EDEM3: variants seen among roughly 807,000 people sequenced by gnomAD.
EDEM3 encodes ER degradation enhancing alpha-mannosidase like protein 3.
Under a neutral mutation model 110.2 loss-of-function variants are expected in EDEM3, and 60 were observed. The observed-to-expected ratio is 0.54, with a 90% CI of 0.44 to 0.67. The LOEUF is 0.67. Among genes scored for constraint, EDEM3 ranks in the 30% least tolerant of loss-of-function variants. The pLI is 0.00. For missense variants in EDEM3, 996 were observed against 1,121.0 expected (o/e 0.89, Z 1.59); for synonymous variants, 352 against 382.9 (o/e 0.92, Z 0.94).
chr1:184,750,401 C>T (rs1291407959), intron 1 of EDEM3, among the ~76,000 whole-genome samples: 1 of 152,202 alleles, frequency 6.6e-6, no homozygotes, highest in Non-Finnish European at 1.5e-5. Context: ...CAATTAAGCA[C>T]TCTCAAGTTC....
chr1:184,708,641 T>C (rs1273554910), intron 16 of EDEM3, among the ~76,000 whole-genome samples: 1 of 152,246 alleles, frequency 6.6e-6, no homozygotes, highest in Non-Finnish European at 1.5e-5. Context: ...ACTTTGCTTA[T>C]TCTCCCCACT....
chr1:184,700,432 C>T (rs939508484), intron 19 of EDEM3, among the ~76,000 whole-genome samples: 3 of 151,940 alleles, frequency 2.0e-5, no homozygotes, highest in Admixed American at 2.0e-4. Context: ...CTTATATAAT[C>T]TGTTAACTAG....
chr1:184,734,888 C>T (rs1326173363), intron 4 of EDEM3, among the ~76,000 whole-genome samples: 1 of 152,042 alleles, frequency 6.6e-6, no homozygotes, highest in Non-Finnish European at 1.5e-5. Context: ...TTGAAGCTAC[C>T]ATCATCAGAC....
intron 1 of EDEM3, among the ~76,000 whole-genome samples, chr1:184,752,820 G>T (rs1313428468): frequency 6.6e-6 from 1 of 152,160 alleles, no homozygotes; most frequent in East Asian, 1.9e-4. Flanking sequence ...CCAATTACTA[G>T]CTTTGTGGCT....
At chr1:184,736,333 GTTTT>G (rs1176282323) in intron 4 of EDEM3, among the ~76,000 whole-genome samples, 1 of 151,992 alleles carries the variant, frequency 6.6e-6, no homozygotes, top group Non-Finnish European at 1.5e-5. Context: ...TACCCCAAAG[GTTTT>G]TTGTTTTGTT....
rs185529571 is a variant in EDEM3 at position 184,713,245 on chromosome 1, T to C, written c.1371-647A>G. Among the ~76,000 whole-genome samples the C allele has an allele frequency of 2.8e-3, 432 of 151,966 alleles. 5 individuals are homozygous for C. The East Asian group carries it at 0.036, about 13-fold the overall frequency. ...CAGTGTCACTGCACTCCAGCCTGGG[T>C]GACAGAGCAAGACTCCGACTCAAAA... On this transcript the variant is annotated intron_variant, in intron 13 of 19. Coordinates refer to ENST00000318130, the MANE Select transcript of EDEM3 (RefSeq NM_025191.4).
chr1:184,732,804 A>G (rs774722383), intron 6 of EDEM3, 33 bp downstream of exon 6: 9 of 1,601,570 alleles, frequency 5.6e-6, no homozygotes, highest in African/African-American at 1.3e-5. Context: ...CAAAGAAAGT[A>G]TATAAAGACT....
rs1298374845 is a variant in EDEM3 at position 184,690,715 on chromosome 1, C to T, written c.*3348G>A. 6.6e-6 allele frequency: 1 copy of T among 152,442 alleles called. No homozygotes were observed. Among genetic ancestry groups the T allele is most frequent in the Non-Finnish European group, 1.5e-5 (1 of 67,964 alleles). 9.4% of individuals were successfully genotyped at this position (152,442 alleles called of 1,614,324 possible). ...GTACAGACATCTTTTTCATAAATTA[C>T]ATCATAAGAAAATATACGGCTGTAA... On this transcript the variant is annotated 3_prime_UTR_variant, in exon 20 of 20. Transcript: ENST00000318130.
At chr1:184,707,233 G>A (rs1419460760) in intron 17 of EDEM3, among the ~76,000 whole-genome samples, 2 of 152,070 alleles carry the variant, frequency 1.3e-5, no homozygotes, top group African/African-American at 4.8e-5. Flanking sequence ...AATGATCATT[G>A]GTAACAAGAA....
chr1:184,690,801 G>T lies in EDEM3; in HGVS notation c.*3262C>A, dbSNP rs1649028310. 1.4e-5 allele frequency: 2 copies of T among 147,696 alleles called. No homozygotes were observed. Among genetic ancestry groups the T allele is most frequent in the Admixed American group, 1.4e-4 (2 of 14,680 alleles). 9.1% of individuals were successfully genotyped at this position (147,696 alleles called of 1,614,324 possible). Reference sequence around the variant, plus strand: ...ACATACAATATTTCATTCACAGAATGTTTTTTTTTTCTATGTTCTGACTGA... The same window carrying T: ...ACATACAATATTTCATTCACAGAATTTTTTTTTTTTCTATGTTCTGACTGA... On this transcript the variant is annotated 3_prime_UTR_variant, in exon 20 of 20. Coordinates refer to ENST00000318130, the MANE Select transcript of EDEM3 (RefSeq NM_025191.4).
chr1:184,710,348 GA>G, intron 16 of EDEM3, 45 bp downstream of exon 16: 1 of 1,586,292 alleles, frequency 6.3e-7, no homozygotes. Context: ...TGCGACCAAA[GA>G]AAGCAGGGCA....
chr1:184,710,701 A>C (rs1650178538), intron 15 of EDEM3, among the ~76,000 whole-genome samples, 154 bp from the exon 16 acceptor site: 1 of 152,244 alleles, frequency 6.6e-6, no homozygotes, highest in South Asian at 2.1e-4. Flanking sequence ...CATATAATTT[A>C]GGTTAACAAG....
chr1:184,697,364 C>T (rs1158227941), intron 19 of EDEM3, among the ~76,000 whole-genome samples: 1 of 151,642 alleles, frequency 6.6e-6, no homozygotes, highest in African/African-American at 2.4e-5. Flanking sequence ...CGTTTTAGAA[C>T]CAGATACAAT....
intron 2 of EDEM3, among the ~76,000 whole-genome samples, chr1:184,744,091 C>G (rs1652285336): frequency 6.6e-6 from 1 of 151,088 alleles, no homozygotes; most frequent in Non-Finnish European, 1.5e-5. Context: ...CTGGATTGAT[C>G]ATAATTTAAA....
At chr1:184,708,421 T>C (rs1165577564) in intron 16 of EDEM3, 77 bp from the exon 17 acceptor site, 1 of 1,460,162 alleles carries the variant, frequency 6.8e-7, no homozygotes, top group Non-Finnish European at 9.4e-7. Flanking sequence ...AAAGACACTG[T>C]ACTGTAGTAT....
chr1:184,718,425 G>C (rs1228415450), intron 11 of EDEM3, among the ~76,000 whole-genome samples: 1 of 152,038 alleles, frequency 6.6e-6, no homozygotes, highest in Non-Finnish European at 1.5e-5. Context: ...TTTCTACAAT[G>C]CACAGTCCTA....
intron 1 of EDEM3, among the ~76,000 whole-genome samples, chr1:184,751,095 TTCATTATTTAAAAAA>T (rs879718947): frequency 0.3 from 45,353 of 150,720 alleles, 8,385 homozygotes; most frequent in East Asian, 0.54. Flanking sequence ...TTAAAAACAT[TTCATTATTTAAAAAA>T]AGACCTTACC....
chr1:184,719,883 C>G (rs1180788435), intron 9 of EDEM3, among the ~76,000 whole-genome samples: 1 of 152,230 alleles, frequency 6.6e-6, no homozygotes, highest in African/African-American at 2.4e-5. Flanking sequence ...TTGCGGCCCA[C>G]TGATGCTCAT....
intron 2 of EDEM3, among the ~76,000 whole-genome samples, chr1:184,744,664 A>G (rs986257961): frequency 6.6e-6 from 1 of 152,052 alleles, no homozygotes; most frequent in African/African-American, 2.4e-5. Flanking sequence ...AATAAGTCAA[A>G]TACTCATTAA....
Sources: gnomAD v4.1 joint callset for allele counts (sites outside exome capture counted in the v4.1 genomes callset) on GRCh38, gnomAD v4.1.1 for gene constraint, MANE v1.5 for transcripts, NCBI Gene and HGNC (gene_info 2026-07-23, HGNC 2026-07-21) for gene names.